Variants in ZNF75A observed in about 807,000 individuals in gnomAD.
ZNF75A encodes zinc finger protein 75A.
Under a neutral mutation model 46.3 loss-of-function variants are expected in ZNF75A, and 36 were observed. The observed-to-expected ratio is 0.78, with a 90% CI of 0.60 to 1.03. The LOEUF (loss-of-function observed/expected upper bound fraction) is 1.03. Among genes scored for constraint, ZNF75A ranks in the 50% least tolerant of loss-of-function variants. The pLI is 0.00. For missense variants in ZNF75A, 595 were observed against 551.3 expected (o/e 1.08, Z -0.79); for synonymous variants, 234 against 189.9 (o/e 1.23, Z -1.91).
rs1028618076 is a variant in ZNF75A at position 3,308,485 on chromosome 16, G to T, written c.57G>T (p.Leu19Phe). Residue 19 changes from leucine (L) to phenylalanine (F), a missense_variant, in exon 2 of 7, where the codon TTG (leucine) becomes TTT (phenylalanine). Transcript: ENST00000669516. ...AAYLDPQIRA[L>F]WETKGPARES... The stretch of plus-strand genomic sequence containing the variant: ...ACTTGGACCCTCAGATCAGGGCTTT[G>T]TGGGAGACCAAGGGGCCTGCAAGAG... The T allele has an allele frequency of 1.8e-5, 18 of 985,860 alleles. No homozygotes were observed. Among genetic ancestry groups the T allele is most frequent in the Non-Finnish European group, 2.2e-5 (18 of 829,950 alleles). The allele number at this position is 985,860 out of a possible 1,614,324, so 61.1% of individuals were successfully genotyped here. A position where few individuals can be genotyped will look rare whatever the true frequency, so the allele number is the denominator to read the frequency against.
intron 2 of ZNF75A, 114 bp from the exon 3 acceptor site, chr16:3,311,639 T>A (rs7195571): frequency 0.24 from 92,668 of 394,254 alleles, 11,803 homozygotes; most frequent in Admixed American, 0.29. Flanking sequence ...TTTTTTGTCA[T>A]TTTTTTTAGT....
At chr16:3,313,980 T>C (rs1961003979) in intron 5 of ZNF75A, among the ~76,000 whole-genome samples, 1 of 152,204 alleles carries the variant, frequency 6.6e-6, no homozygotes, top group Non-Finnish European at 1.5e-5. Context: ...ACACTGGGCT[T>C]CCTGAATACT....
intron 5 of ZNF75A, 97 bp from the exon 6 acceptor site, chr16:3,316,815 T>G: frequency 1.3e-6 from 1 of 784,686 alleles, no homozygotes; most frequent in Non-Finnish European, 2.1e-6. Flanking sequence ...AGTAACAAAT[T>G]GTAAAATGTC....
At chr16:3,312,053 A>G (rs1960846464) in intron 3 of ZNF75A, 105 bp downstream of exon 3, 2 of 512,554 alleles carry the variant, frequency 3.9e-6, no homozygotes, top group Middle Eastern at 1.0e-3. Context: ...GTGGATTTGT[A>G]AAACCAGCCT....
chr16:3,308,663 C>G lies in ZNF75A; in HGVS notation c.235C>G (p.Pro79Ala). ...LQELCHLWLK[P>A]EIHSKEQILE... ...AGAATTATGTCATCTATGGCTGAAG[C>G]CAGAGATCCACTCAAAAGAGCAGAT... is the stretch of plus-strand genomic sequence containing the variant. The change falls in exon 2 of 7, where the codon CCA (proline) becomes GCA (alanine). Residue 79 changes from proline to alanine, a missense_variant. Pro to Ala is a conservative substitution (Grantham distance 27). Coordinates refer to ENST00000669516, the MANE Select transcript of ZNF75A (RefSeq NM_001302109.2). The G allele has an allele frequency of 3.0e-6, 3 of 989,150 alleles. No individual in the cohort carries two copies. The highest frequency in any genetic ancestry group is 3.6e-6 in the Non-Finnish European group (3 of 831,092). The allele number at this position is 989,150 out of a possible 1,614,324, so 61.3% of individuals were successfully genotyped here.
chr16:3,311,710 C>T, intron 2 of ZNF75A, 43 bp from the exon 3 acceptor site: 1 of 1,022,788 alleles, frequency 9.8e-7, no homozygotes, highest in Non-Finnish European at 1.2e-6. Flanking sequence ...CCCCACAAAC[C>T]AAAAGTAAGT....
downstream of ZNF75A, among the ~76,000 whole-genome samples, chr16:3,320,106 C>T (rs142231840): frequency 3.6e-3 from 547 of 151,888 alleles, 8 homozygotes; most frequent in African/African-American, 0.012. Flanking sequence ...AGTGCAGTGG[C>T]GCAATGTCAG....
chr16:3,314,732 A>T, intron 5 of ZNF75A: 1 of 985,388 alleles, frequency 1.0e-6, no homozygotes, highest in Non-Finnish European at 1.2e-6. Flanking sequence ...GCTGAAGTCC[A>T]TTCTCTTCTT....
chr16:3,311,797 A>C lies in ZNF75A; in HGVS notation c.453A>C (p.Glu151Asp). The change falls in exon 3 of 7, where the codon GAA becomes GAC. Residue 151 changes from glutamate to aspartate, a missense_variant. Physicochemically the swap from Glu to Asp is conservative, Grantham distance 45. Transcript: ENST00000669516. ...GAAAGGAGGCAGTGCTCTTGGGAGAAACAGCAGAGGCCTCAAGTTTCGGGC... is the reference window on the plus strand; with the variant it reads ...GAAAGGAGGCAGTGCTCTTGGGAGACACAGCAGAGGCCTCAAGTTTCGGGC... ...ELGKEAVLLG[E>D]TAEASSFGLK... 1 of 1,050,356 alleles carries C rather than the reference A, an allele frequency of 9.5e-7. No individual in the cohort carries two copies. The highest frequency in any genetic ancestry group is 1.2e-6 in the Non-Finnish European group (1 of 862,986). The allele number at this position is 1,050,356 out of a possible 1,614,324, so 65.1% of individuals were successfully genotyped here.
At chr16:3,315,351 C>A (rs916532812) in intron 5 of ZNF75A, among the ~76,000 whole-genome samples, 1 of 151,966 alleles carries the variant, frequency 6.6e-6, no homozygotes, top group Admixed American at 6.6e-5. Flanking sequence ...GCCACCATGC[C>A]CAGCTAATTT....
chr16:3,320,080 C>G (rs145730408), downstream of ZNF75A, among the ~76,000 whole-genome samples: 18 of 151,904 alleles, frequency 1.2e-4, no homozygotes, highest in Non-Finnish European at 2.2e-4. Context: ...GAGTCTCGCT[C>G]TGTTGCCCAG....
intron 1 of ZNF75A, chr16:3,307,748 C>T (rs1403562282): frequency 6.7e-6 from 1 of 149,428 alleles, no homozygotes; most frequent in Admixed American, 6.7e-5. Flanking sequence ...TCAGGCTGGT[C>T]TGAAACTCCT....
chr16:3,316,812 A>G (rs1002073223), intron 5 of ZNF75A, 100 bp from the exon 6 acceptor site: 10 of 771,368 alleles, frequency 1.3e-5, no homozygotes, highest in African/African-American at 7.0e-5. Flanking sequence ...TGGAGTAACA[A>G]ATTGTAAAAT....
intron 2 of ZNF75A, among the ~76,000 whole-genome samples, chr16:3,311,217 T>G (rs57500518): frequency 0.062 from 9,403 of 151,906 alleles, 981 homozygotes; most frequent in African/African-American, 0.21. Context: ...GTGGGCAGAT[T>G]ACCTGAGTTT....
chr16:3,306,430 T>G lies in ZNF75A; in HGVS notation c.-117+787T>G, dbSNP rs1040007460. ...AAGTAAGCACAGTTAAAAATTCATA[T>G]AGGCCTGGCGCGGTGTTTGACGCCT... On this transcript the variant is annotated intron_variant, in intron 1 of 6. Transcript: ENST00000669516. 12 of 152,192 alleles carry G rather than the reference T, an allele frequency of 7.9e-5. 1 individual carries two copies. The highest frequency in any genetic ancestry group is 2.9e-4 in the African/African-American group (12 of 41,452). The allele number at this position is 152,192 out of a possible 1,614,324, so 9.4% of individuals were successfully genotyped here. A position where few individuals can be genotyped will look rare whatever the true frequency, so the allele number is the denominator to read the frequency against.
At position 3,318,593 on chromosome 16, in the gene ZNF75A, T is replaced by G. The variant is rs1307311037; in HGVS notation, c.*724T>G. The G allele has an allele frequency of 3.0e-6, 3 of 985,342 alleles. No homozygotes were observed. Among genetic ancestry groups the G allele is most frequent in the Non-Finnish European group, 3.6e-6 (3 of 829,938 alleles). The allele number at this position is 985,342 out of a possible 1,614,324, so 61.0% of individuals were successfully genotyped here. ...ACTTGTTAATCCCTGCCTTGCAATG[T>G]CAGTAGGATAAAGCAGCTATAAAAA... On this transcript the variant is annotated 3_prime_UTR_variant, in exon 7 of 7. Coordinates refer to ENST00000669516, the MANE Select transcript of ZNF75A (RefSeq NM_001302109.2).
At chr16:3,309,742 A>C (rs1457773859) in intron 2 of ZNF75A, among the ~76,000 whole-genome samples, 1 of 149,426 alleles carries the variant, frequency 6.7e-6, no homozygotes, top group Non-Finnish European at 1.5e-5. Context: ...TGACAGAGTG[A>C]GAACCTGTCA....
downstream of ZNF75A, among the ~76,000 whole-genome samples, chr16:3,319,743 A>G (rs757480401): frequency 6.6e-5 from 10 of 151,900 alleles, no homozygotes; most frequent in Non-Finnish European, 1.5e-4. Flanking sequence ...GTTTTGGTCA[A>G]TGAGTTGTGA....
intron 2 of ZNF75A, among the ~76,000 whole-genome samples, chr16:3,311,109 C>A (rs1960742250): frequency 6.6e-6 from 1 of 151,994 alleles, no homozygotes. Flanking sequence ...GGATTGAAGT[C>A]AACAGAAAAG....
Sources: gnomAD v4.1 joint callset for allele counts (sites outside exome capture counted in the v4.1 genomes callset) on GRCh38, gnomAD v4.1.1 for gene constraint, MANE v1.5 for transcripts, NCBI Gene and HGNC (gene_info 2026-07-23, HGNC 2026-07-21) for gene names.